Variants in TLN2 observed in about 807,000 individuals in gnomAD.
The protein encoded by TLN2 is talin 2, also known as talin-2.
Under a neutral mutation model 294.7 loss-of-function variants are expected in TLN2, and 118 were observed. The ratio of observed to expected loss-of-function variants is 0.40; its 90% CI spans 0.34 to 0.47. The LOEUF is 0.47. Ranked by LOEUF, TLN2 falls within the 20% of genes least tolerant of loss-of-function variation. The pLI is 0.84. For missense variants in TLN2, 3,083 were observed against 3,282.2 expected (o/e 0.94, Z 1.48); for synonymous variants, 1,431 against 1,304.5 (o/e 1.10, Z -2.09).
intron 1 of TLN2, among the ~76,000 whole-genome samples, chr15:62,574,473 C>T (rs2044206669): frequency 1.3e-5 from 2 of 150,118 alleles, no homozygotes; most frequent in Non-Finnish European, 3.0e-5. Flanking sequence ...TCCAGGTACT[C>T]AGGAGACTAA....
chr15:62,787,278 T>C (rs1359896438), intron 45 of TLN2, among the ~76,000 whole-genome samples: 1 of 152,182 alleles, frequency 6.6e-6, no homozygotes, highest in East Asian at 1.9e-4. Flanking sequence ...CCAAGCAAAT[T>C]ATATTTGACC....
intron 3 of TLN2, among the ~76,000 whole-genome samples, chr15:62,631,591 TTCAC>T (rs1377900305): frequency 8.0e-6 from 1 of 125,582 alleles, no homozygotes; most frequent in Non-Finnish European, 1.8e-5. Context: ...TCTCTCTTCT[TTCAC>T]TCTCTCTCTC....
At chr15:62,403,080 A>C (rs538112777) in intron 1 of TLN2, among the ~76,000 whole-genome samples, 1 of 152,210 alleles carries the variant, frequency 6.6e-6, no homozygotes, top group African/African-American at 2.4e-5. Context: ...TCTACTAAAA[A>C]CACAAAAATT....
At chr15:62,424,712 G>A (rs2034602976) in intron 1 of TLN2, among the ~76,000 whole-genome samples, 1 of 152,072 alleles carries the variant, frequency 6.6e-6, no homozygotes, top group South Asian at 2.1e-4. Context: ...GAGTCTAGTG[G>A]CCCAATCTTG....
intron 41 of TLN2, among the ~76,000 whole-genome samples, chr15:62,768,117 G>T (rs893940878): frequency 3.9e-5 from 6 of 152,158 alleles, no homozygotes; most frequent in African/African-American, 1.4e-4. Flanking sequence ...TGCAGTGCTC[G>T]TGTGGGGCCC....
At chr15:62,447,202 A>G (rs1862106585) in intron 1 of TLN2, among the ~76,000 whole-genome samples, 2 of 151,052 alleles carry the variant, frequency 1.3e-5, no homozygotes, top group Admixed American at 1.3e-4. Flanking sequence ...GGAACTATTC[A>G]CTACTTGAAT....
intron 3 of TLN2, among the ~76,000 whole-genome samples, chr15:62,635,148 C>T (rs921166783): frequency 6.6e-6 from 1 of 152,162 alleles, no homozygotes; most frequent in African/African-American, 2.4e-5. Context: ...ATAAATCAAA[C>T]AGCTGATACT....
chr15:62,709,243 G>A (rs906419273), intron 21 of TLN2, among the ~76,000 whole-genome samples: 4 of 152,190 alleles, frequency 2.6e-5, no homozygotes, highest in African/African-American at 9.7e-5. Context: ...AGAGGCAAGG[G>A]GAGGGCCTAG....
At chr15:62,711,619 T>A (rs549390179) in intron 21 of TLN2, among the ~76,000 whole-genome samples, 2 of 152,388 alleles carry the variant, frequency 1.3e-5, no homozygotes, top group East Asian at 3.9e-4. Flanking sequence ...CACGTAATTT[T>A]GTTCCCTGCC....
intron 17 of TLN2, 47 bp from the exon 18 acceptor site, chr15:62,701,945 A>G: frequency 1.2e-6 from 2 of 1,604,136 alleles, no homozygotes; most frequent in Non-Finnish European, 1.7e-6. Flanking sequence ...AATTCTCACC[A>G]GAACCATGTG....
chr15:62,717,272 G>C (rs968018040), intron 23 of TLN2, among the ~76,000 whole-genome samples: 1 of 151,996 alleles, frequency 6.6e-6, no homozygotes, highest in African/African-American at 2.4e-5. Flanking sequence ...ATTTAGACTT[G>C]GTGCAGCTTG....
intron 1 of TLN2, among the ~76,000 whole-genome samples, chr15:62,480,276 C>T (rs1018253437): frequency 5.3e-5 from 8 of 152,182 alleles, no homozygotes; most frequent in African/African-American, 1.7e-4. Flanking sequence ...TGCAGCGGCG[C>T]GATCTCAGCT....
In TLN2 at chr15:62,820,530, A is replaced by G. The variant is rs1222963544; in HGVS notation, c.6922A>G (p.Thr2308Ala). The G allele has an allele frequency of 6.2e-7, 1 of 1,613,848 alleles. No homozygotes were observed. Among genetic ancestry groups the G allele is most frequent in the Non-Finnish European group, 8.5e-7 (1 of 1,179,946 alleles). ...AGAAGACCCAACTGTCATTGCAGAA[A>G]CAGAGTTACTGGGGGCTGCAGCATC... is the stretch of plus-strand genomic sequence containing the variant. ...DPEDPTVIAE[T>A]ELLGAAASIE... The change falls in exon 54 of 59, where the codon ACA becomes GCA. Residue 2308 changes from threonine to alanine, a missense_variant. Transcript: ENST00000636159.
chr15:62,808,915 T>C (rs2066481659), intron 51 of TLN2, among the ~76,000 whole-genome samples: 1 of 152,230 alleles, frequency 6.6e-6, no homozygotes, highest in Non-Finnish European at 1.5e-5. Context: ...GCCCAAGGTA[T>C]TCCCATCAGC....
At chr15:62,443,195 G>T (rs549291395) in intron 1 of TLN2, among the ~76,000 whole-genome samples, 1 of 152,278 alleles carries the variant, frequency 6.6e-6, no homozygotes, top group East Asian at 1.9e-4. Flanking sequence ...TTGTTGGGGG[G>T]CCATTGTTCA....
chr15:62,589,314 A>C (rs1477573347), intron 1 of TLN2, among the ~76,000 whole-genome samples: 1 of 152,236 alleles, frequency 6.6e-6, no homozygotes, highest in Non-Finnish European at 1.5e-5. Flanking sequence ...AGAGCACCTC[A>C]TGTAAACTAA....
chr15:62,763,409 G>T, intron 39 of TLN2, 154 bp from the exon 40 acceptor site: 1 of 847,782 alleles, frequency 1.2e-6, no homozygotes. Context: ...GCTGTGCAGT[G>T]AGACGTTGCC....
At chr15:62,768,373 C>G (rs2063150291) in intron 41 of TLN2, among the ~76,000 whole-genome samples, 2 of 152,324 alleles carry the variant, frequency 1.3e-5, no homozygotes, top group South Asian at 4.1e-4. Context: ...GCGCTGATCC[C>G]TGCTTTCGTA....
chr15:62,505,451 A>G (rs2039564587), intron 1 of TLN2, among the ~76,000 whole-genome samples: 1 of 152,206 alleles, frequency 6.6e-6, no homozygotes, highest in Non-Finnish European at 1.5e-5. Flanking sequence ...TCATGTTAGT[A>G]AGCAAGGAAT....
Sources: allele counts gnomAD v4.1 joint callset (sites outside exome capture counted in the v4.1 genomes callset), GRCh38; gene constraint gnomAD v4.1.1; transcripts MANE v1.5; gene names NCBI Gene and HGNC (gene_info 2026-07-23, HGNC 2026-07-21).